SPAG16: variants seen among roughly 807,000 people sequenced by gnomAD.
SPAG16 encodes the protein sperm associated antigen 16.
Under a neutral mutation model 80.4 loss-of-function variants are expected in SPAG16, and 86 were observed. The observed-to-expected ratio is 1.07, with a 90% CI of 0.90 to 1.28. SPAG16 has a LOEUF of 1.28. Among genes scored for constraint, SPAG16 ranks in the 50% most tolerant of loss-of-function variants. The probability of loss-of-function intolerance (pLI) is 0.00; values close to 1 mark genes in which losing one functional copy is unlikely to be tolerated. For synonymous variants in SPAG16, 294 were observed against 265.9 expected, an observed-to-expected ratio of 1.11 and a Z score of -1.03; for missense variants, 870 against 765.3, an observed-to-expected ratio of 1.14 and a Z score of -1.61.
chr2:213,602,824 T>C (rs533459322), intron 10 of SPAG16, among the ~76,000 whole-genome samples: 1 of 152,354 alleles, frequency 6.6e-6, no homozygotes, highest in Admixed American at 6.5e-5. Context: ...AAATCTTTGA[T>C]CTCATTTTAT....
chr2:214,353,590 A>T (rs1335216024), intron 15 of SPAG16, among the ~76,000 whole-genome samples: 2 of 152,144 alleles, frequency 1.3e-5, no homozygotes, highest in African/African-American at 2.4e-5. Context: ...TTCATAGGTA[A>T]CAAAATACCC....
At chr2:213,578,131 A>G (rs2060189625) in intron 10 of SPAG16, among the ~76,000 whole-genome samples, 1 of 152,166 alleles carries the variant, frequency 6.6e-6, no homozygotes, top group Admixed American at 6.6e-5. Flanking sequence ...GGCTGATTGC[A>G]GACAAGTACC....
chr2:213,295,864 A>G (rs2062474933), intron 1 of SPAG16, among the ~76,000 whole-genome samples, 200 bp from the exon 2 acceptor site: 2 of 152,170 alleles, frequency 1.3e-5, no homozygotes, highest in South Asian at 2.1e-4. Context: ...GTTGTGAAAA[A>G]TAATGAAGTA....
At chr2:213,678,895 A>G (rs2064236297) in intron 10 of SPAG16, among the ~76,000 whole-genome samples, 1 of 152,146 alleles carries the variant, frequency 6.6e-6, no homozygotes, top group Non-Finnish European at 1.5e-5. Flanking sequence ...CATCCTGGCA[A>G]TGCTTGTGTT....
intron 13 of SPAG16, among the ~76,000 whole-genome samples, chr2:214,049,475 T>C (rs922518033): frequency 6.6e-6 from 1 of 152,130 alleles, no homozygotes; most frequent in African/African-American, 2.4e-5. Context: ...TCTGGTAAAG[T>C]GAATTAATTT....
At chr2:214,294,050 C>T (rs1693975825) in intron 15 of SPAG16, among the ~76,000 whole-genome samples, 1 of 152,238 alleles carries the variant, frequency 6.6e-6, no homozygotes, top group Admixed American at 6.5e-5. Context: ...ACCATCAGCT[C>T]CAGGGCAGGA....
chr2:213,497,183 A>G (rs1056060147), intron 10 of SPAG16, among the ~76,000 whole-genome samples: 2 of 152,110 alleles, frequency 1.3e-5, no homozygotes, highest in African/African-American at 4.8e-5. Flanking sequence ...CTATTAAATA[A>G]TAATATTTAT....
intron 14 of SPAG16, among the ~76,000 whole-genome samples, chr2:214,136,897 T>A (rs1350613456): frequency 6.6e-6 from 1 of 152,192 alleles, no homozygotes; most frequent in Non-Finnish European, 1.5e-5. Context: ...TATACCTTAA[T>A]ACCAAGTTGC....
At chr2:214,255,614 A>C (rs1690624141) in intron 15 of SPAG16, among the ~76,000 whole-genome samples, 1 of 152,010 alleles carries the variant, frequency 6.6e-6, no homozygotes, top group East Asian at 1.9e-4. Context: ...CAGATATGGA[A>C]TGTTATTGTC....
chr2:214,005,683 G>T (rs1449159993), intron 12 of SPAG16, among the ~76,000 whole-genome samples: 6 of 152,114 alleles, frequency 3.9e-5, no homozygotes, highest in Admixed American at 6.5e-5. Flanking sequence ...ACTATCACAT[G>T]ATGAATTATT....
At chr2:214,084,484 A>T (rs1015345876) in intron 13 of SPAG16, among the ~76,000 whole-genome samples, 2 of 152,206 alleles carry the variant, frequency 1.3e-5, no homozygotes, top group Admixed American at 6.5e-5. Flanking sequence ...TTTATAATTC[A>T]TCAATAGAAT....
intron 15 of SPAG16, among the ~76,000 whole-genome samples, chr2:214,394,182 T>C (rs970515862): frequency 6.6e-6 from 1 of 152,228 alleles, no homozygotes; most frequent in African/African-American, 2.4e-5. Flanking sequence ...TTTCTCTCTC[T>C]GTGCCTCTTT....
rs560297299 is a variant in SPAG16, at chr2:213,692,674, G to A, written c.1071-169811G>A. On this transcript the variant is annotated intron_variant, in intron 10 of 15. Transcript: ENST00000331683. ...AAATACAAAAAATTAGCCCGCCATG[G>A]TGGCGGGTGCCTGTAGTCCCAGCTA... Among the ~76,000 whole-genome samples, 20 of 152,166 alleles carry A rather than the reference G, an allele frequency of 1.3e-4. 2 individuals carry two copies. Among genetic ancestry groups the A allele is most frequent in the African/African-American group, 4.6e-4 (19 of 41,524 alleles).
At position 213,668,347 on chromosome 2, in the gene SPAG16, T is replaced by C. The variant is rs1311935355; in HGVS notation, c.1070+178257T>C. 2.0e-5 allele frequency among the ~76,000 whole-genome samples: 3 copies of C among 151,770 alleles called. No homozygotes were observed. In the East Asian group the frequency reaches 5.8e-4, roughly 29 times the overall value. On this transcript the variant is annotated intron_variant, in intron 10 of 15. Transcript: ENST00000331683. ...TTTTTTGAAATACATAGACTATTGG[T>C]CTTAGACATAACAGGACACACACTA...
At chr2:214,364,584 G>T (rs1320483134) in intron 15 of SPAG16, among the ~76,000 whole-genome samples, 1 of 152,128 alleles carries the variant, frequency 6.6e-6, no homozygotes, top group Admixed American at 6.6e-5. Context: ...ATCAGCACAG[G>T]GTTGGATATT....
At chr2:213,416,188 C>G (rs1037104101) in intron 9 of SPAG16, among the ~76,000 whole-genome samples, 6 of 152,204 alleles carry the variant, frequency 3.9e-5, no homozygotes, top group African/African-American at 1.4e-4. Flanking sequence ...GACATTCTCT[C>G]AGGAGTCTGA....
chr2:213,770,027 T>C, intron 10 of SPAG16, among the ~76,000 whole-genome samples: 1 of 152,218 alleles, frequency 6.6e-6, no homozygotes, highest in East Asian at 1.9e-4. Context: ...CTGGCTTCTT[T>C]AACTCAGCAT....
At chr2:214,367,829 T>C (rs111305599) in intron 15 of SPAG16, among the ~76,000 whole-genome samples, 245 of 152,296 alleles carry the variant, frequency 1.6e-3, no homozygotes, top group Non-Finnish European at 3.0e-3. Flanking sequence ...AAGAAAATTC[T>C]GTTGCTGGAT....
intron 15 of SPAG16, among the ~76,000 whole-genome samples, chr2:214,204,948 G>T (rs1398969216): frequency 6.6e-6 from 1 of 152,188 alleles, no homozygotes; most frequent in African/African-American, 2.4e-5. Context: ...AAATAAATCA[G>T]CTGGGCACAG....
Sources: allele counts gnomAD v4.1 joint callset (sites outside exome capture counted in the v4.1 genomes callset), GRCh38; gene constraint gnomAD v4.1.1; transcripts MANE v1.5; gene names NCBI Gene and HGNC (gene_info 2026-07-23, HGNC 2026-07-21).